Variants in EXOC2 observed in about 807,000 individuals in gnomAD.
EXOC2 encodes exocyst complex component 2, also known as SEC5-like 1.
In EXOC2, 70 loss-of-function variants were observed where a neutral mutation model predicts 131.8. The observed-to-expected ratio is 0.53, with a 90% CI of 0.44 to 0.65. EXOC2 has a LOEUF of 0.65. Ranked by LOEUF, EXOC2 falls within the 30% of genes least tolerant of loss-of-function variation. The pLI is 0.00. For synonymous variants in EXOC2, 411 were observed against 398.4 expected, an observed-to-expected ratio of 1.03 and a Z score of -0.38; for missense variants, 923 against 1,108.6, an observed-to-expected ratio of 0.83 and a Z score of 2.38.
intron 1 of EXOC2, chr6:656,433 C>G (rs760357076): frequency 5.0e-6 from 8 of 1,613,948 alleles, no homozygotes; most frequent in Non-Finnish European, 6.8e-6. Flanking sequence ...GTTCGCCATC[C>G]TCTCCACGAT....
chr6:657,135 G>A (rs1483600821), intron 1 of EXOC2: 4 of 428,850 alleles, frequency 9.3e-6, no homozygotes, highest in Non-Finnish European at 1.6e-5. Flanking sequence ...CTGGAGCCAC[G>A]GAAGGGCCTC....
intron 11 of EXOC2, among the ~76,000 whole-genome samples, chr6:586,135 T>C (rs1362700608): frequency 1.3e-5 from 2 of 152,224 alleles, no homozygotes; most frequent in Admixed American, 6.5e-5. Flanking sequence ...TAGCCTTCAG[T>C]AGACAGCTAT....
rs146021282 is a variant in EXOC2, at chr6:564,015, C to G, written c.1789+18G>C. On this transcript the variant is annotated intron_variant, in intron 16 of 27. Coordinates refer to ENST00000230449, the MANE Select transcript of EXOC2 (RefSeq NM_018303.6). ...ATAATCATTGCACAGTGAACGTCACCGATTTATCAAAACACACCTTCCGCC... is the reference window on the plus strand; with the variant it reads ...ATAATCATTGCACAGTGAACGTCACGGATTTATCAAAACACACCTTCCGCC... 1 of 1,611,814 alleles carries G rather than the reference C, an allele frequency of 6.2e-7. No homozygotes were observed. The highest frequency in any genetic ancestry group is 2.2e-5 in the East Asian group (1 of 44,850).
At chr6:636,582 A>G (rs1762111246) in intron 2 of EXOC2, among the ~76,000 whole-genome samples, 1 of 152,224 alleles carries the variant, frequency 6.6e-6, no homozygotes, top group South Asian at 2.1e-4. Context: ...GCCAAAAACC[A>G]ATCTATCAAC....
At chr6:590,148 A>T (rs1759461210) in intron 11 of EXOC2, among the ~76,000 whole-genome samples, 1 of 151,562 alleles carries the variant, frequency 6.6e-6, no homozygotes, top group African/African-American at 2.4e-5. Flanking sequence ...GTGGACTCTG[A>T]TGGGCCCTTA....
intron 23 of EXOC2, among the ~76,000 whole-genome samples, chr6:505,734 C>T (rs868002733): frequency 1.3e-5 from 2 of 152,214 alleles, no homozygotes; most frequent in African/African-American, 4.8e-5. Flanking sequence ...GGACCGTACA[C>T]TCCACAGCAC....
intron 12 of EXOC2, among the ~76,000 whole-genome samples, chr6:575,169 G>C (rs1758507109): frequency 6.6e-6 from 1 of 152,196 alleles, no homozygotes; most frequent in African/African-American, 2.4e-5. Flanking sequence ...GTTCACACAA[G>C]ATCTAGTTGT....
chr6:645,030 A>G (rs994329930), intron 1 of EXOC2, among the ~76,000 whole-genome samples: 1 of 152,148 alleles, frequency 6.6e-6, no homozygotes, highest in Non-Finnish European at 1.5e-5. Context: ...AGGAAGAAAA[A>G]AGTTGTAACA....
intron 22 of EXOC2, among the ~76,000 whole-genome samples, chr6:532,923 G>C (rs1766180821): frequency 6.6e-6 from 1 of 152,084 alleles, no homozygotes; most frequent in African/African-American, 2.4e-5. Context: ...GTTATGCATG[G>C]CTGGGGAGCC....
At position 666,832 on chromosome 6, in the gene EXOC2, C is replaced by T. The variant is rs1763656905; in HGVS notation, c.-44+26187G>A. On this transcript the variant is annotated intron_variant, in intron 1 of 27. Transcript: ENST00000230449. ...AATACTTTCACTGCCTTAAAAGTCC[C>T]ATTTTCCCTCTTCTCTTAGCATGGC... Among the ~76,000 whole-genome samples, 2 of 96,502 alleles carry T rather than the reference C, an allele frequency of 2.1e-5. 1 individual carries two copies. The highest frequency in any genetic ancestry group is 4.9e-5 in the Non-Finnish European group (2 of 40,736). The allele number at this position is 96,502 out of a possible 152,430, so 63.3% of individuals were successfully genotyped here.
At chr6:548,268 CA>C (rs1193477505) in intron 22 of EXOC2, among the ~76,000 whole-genome samples, 1 of 152,120 alleles carries the variant, frequency 6.6e-6, no homozygotes, top group Non-Finnish European at 1.5e-5. Context: ...AAAAAAATCC[CA>C]ATGTAGTTCA....
intron 4 of EXOC2, among the ~76,000 whole-genome samples, chr6:624,662 T>C (rs1312998803): frequency 6.6e-6 from 1 of 152,002 alleles, no homozygotes; most frequent in Non-Finnish European, 1.5e-5. Flanking sequence ...GGGTTTTAGG[T>C]GGGAAATACG....
intron 1 of EXOC2, chr6:679,399 C>T (rs1465253443): frequency 2.0e-5 from 3 of 152,082 alleles, no homozygotes; most frequent in Admixed American, 2.0e-4. Context: ...GAGGTTCCAC[C>T]GCTGGCCTAT....
chr6:597,467 A>G (rs1465040683), intron 10 of EXOC2, among the ~76,000 whole-genome samples: 19 of 152,188 alleles, frequency 1.2e-4, no homozygotes, highest in Non-Finnish European at 2.8e-4. Context: ...GGCATGAGCC[A>G]CGGTGCCCGG....
At chr6:572,727 A>C in intron 12 of EXOC2, 83 bp from the exon 13 acceptor site, 5 of 1,496,564 alleles carry the variant, frequency 3.3e-6, no homozygotes, top group Admixed American at 2.0e-5. Flanking sequence ...ACCCCCCTCC[A>C]CTCCCGCAAA....
intron 17 of EXOC2, among the ~76,000 whole-genome samples, chr6:559,776 C>T (rs562923059): frequency 2.0e-4 from 31 of 152,322 alleles, no homozygotes; most frequent in African/African-American, 7.2e-4. Context: ...TGGCTGACCA[C>T]GTGTACCCGA....
At chr6:597,178 C>A (rs1259797700) in intron 10 of EXOC2, among the ~76,000 whole-genome samples, 1 of 151,958 alleles carries the variant, frequency 6.6e-6, no homozygotes, top group Non-Finnish European at 1.5e-5. Flanking sequence ...AATATCACTG[C>A]AAATTTTTTT....
chr6:614,737 G>T (rs944722616), intron 6 of EXOC2, among the ~76,000 whole-genome samples: 1 of 152,046 alleles, frequency 6.6e-6, no homozygotes, highest in Non-Finnish European at 1.5e-5. Context: ...ATATAAATAA[G>T]CTATATTTAA....
chr6:537,200 TCGAGATGACGACCGACGGAGCGCACACA>T, intron 22 of EXOC2, among the ~76,000 whole-genome samples: 1 of 148,160 alleles, frequency 6.7e-6, no homozygotes, highest in East Asian at 2.0e-4. Flanking sequence ...GAGCGTACAC[TCGAGATGACGACCGACGGAGCGCACACA>T]CGAGATGACG....
Sources: allele counts gnomAD v4.1 joint callset (sites outside exome capture counted in the v4.1 genomes callset), GRCh38; gene constraint gnomAD v4.1.1; transcripts MANE v1.5; gene names NCBI Gene and HGNC (gene_info 2026-07-23, HGNC 2026-07-21).